Variants in AGAP1 observed in about 807,000 individuals in gnomAD.
The protein encoded by AGAP1 is ArfGAP with GTPase domain, ankyrin repeat and PH domain 1.
AGAP1 carries 29 observed loss-of-function variants against 105.3 expected under a neutral mutation model. The ratio of observed to expected loss-of-function variants is 0.28; its 90% confidence interval spans 0.21 to 0.38. The LOEUF (loss-of-function observed/expected upper bound fraction) is 0.38. AGAP1 is among the 10% of genes least tolerant of loss of function. AGAP1 has a pLI of 1.00. For missense variants in AGAP1, 998 were observed against 1,165.1 expected, an observed-to-expected ratio of 0.86 and a Z score of 2.09; for synonymous variants, 509 against 485.9, an observed-to-expected ratio of 1.05 and a Z score of -0.63.
intron 10 of AGAP1, among the ~76,000 whole-genome samples, chr2:235,897,368 A>G (rs1257933548): frequency 6.6e-6 from 1 of 152,218 alleles, no homozygotes; most frequent in African/African-American, 2.4e-5. Flanking sequence ...AAATTATACC[A>G]CTAAATAGTG....
intron 1 of AGAP1, among the ~76,000 whole-genome samples, chr2:235,595,627 A>T (rs1945501359): frequency 1.3e-5 from 2 of 152,148 alleles, no homozygotes; most frequent in Non-Finnish European, 2.9e-5. Flanking sequence ...AGGTGGAGGG[A>T]GTGAGATGCG....
At chr2:235,505,368 C>A (rs770799906) in intron 1 of AGAP1, among the ~76,000 whole-genome samples, 10 of 152,170 alleles carry the variant, frequency 6.6e-5, no homozygotes, top group Non-Finnish European at 1.3e-4. Context: ...ACACGCGGGG[C>A]CATGGATTGA....
rs1426457203 is a variant in AGAP1 at position 236,053,819 on chromosome 2, C to T, written c.2114+4538C>T. Among the ~76,000 whole-genome samples the T allele has an allele frequency of 6.6e-6, 1 of 152,380 alleles. No homozygotes were observed. Among genetic ancestry groups the T allele is most frequent in the Middle Eastern group, 3.4e-3 (1 of 294 alleles). ...ATTCCGTGAAAGAGCTCTTGAGAGG[C>T]GCTTTAAGCGCAACTGAAATCACCC... On this transcript the variant is annotated intron_variant, in intron 16 of 17. Coordinates refer to ENST00000304032, the MANE Select transcript of AGAP1 (RefSeq NM_001037131.3). The surrounding 1 kb of genome is among the most constrained non-coding windows in gnomAD (Gnocchi z 4.6).
intron 9 of AGAP1, among the ~76,000 whole-genome samples, chr2:235,862,942 G>A (rs577462694): frequency 1.3e-5 from 2 of 152,288 alleles, no homozygotes; most frequent in East Asian, 3.9e-4. Context: ...GCTCTGTGTA[G>A]GGCAGGGCAT....
rs908235316 is a variant in AGAP1 at position 236,114,444 on chromosome 2, C to T, written c.2115-5748C>T. Among the ~76,000 whole-genome samples the T allele has an allele frequency of 2.6e-5, 4 of 152,194 alleles. No individual in the cohort carries two copies. Among genetic ancestry groups the T allele is most frequent in the Non-Finnish European group, 5.9e-5 (4 of 68,034 alleles). ...TAGTGAGAAAGATGAAGGATGCTAT[C>T]CAGAGTATGTGTCAGCTCAGGCTGC... is the stretch of plus-strand genomic sequence containing the variant. On this transcript the variant is annotated intron_variant, in intron 16 of 17. Coordinates refer to ENST00000304032, the MANE Select transcript of AGAP1 (RefSeq NM_001037131.3). This position sits in a 1 kb window ranked among gnomAD's most constrained non-coding sequence, Gnocchi z 5.0.
intron 1 of AGAP1, among the ~76,000 whole-genome samples, chr2:235,681,843 CTTTTT>C (rs56934868): frequency 1.8e-3 from 143 of 78,330 alleles, no homozygotes; most frequent in African/African-American, 6.2e-3. Flanking sequence ...ATTTAGTTTG[CTTTTT>C]TTTTTTTTTT....
At chr2:236,054,838 T>G (rs1203265826) in intron 16 of AGAP1, among the ~76,000 whole-genome samples, 1 of 152,172 alleles carries the variant, frequency 6.6e-6, no homozygotes, top group Non-Finnish European at 1.5e-5. Flanking sequence ...GCATGGCGGA[T>G]TGATGCCCTG....
chr2:235,669,612 C>G (rs1948258698), intron 1 of AGAP1: 1 of 145,136 alleles, frequency 6.9e-6, no homozygotes, highest in Non-Finnish European at 1.5e-5. Context: ...GCGCGCGTTT[C>G]CATTTTAAAC....
At position 235,960,339 on chromosome 2, in the gene AGAP1, T is replaced by C. The variant is rs1396213881; in HGVS notation, c.1484-8123T>C. On this transcript the variant is annotated intron_variant, in intron 12 of 17. Transcript: ENST00000304032. This position sits in a 1 kb window ranked among gnomAD's most constrained non-coding sequence, Gnocchi z 4.9. ...TTTATCCCATGACAACCCTGTGTCC[T>C]CTGAAAAGCTTGCCTCCTTCTCCCC... 6.6e-6 allele frequency among the ~76,000 whole-genome samples: 1 copy of C among 152,202 alleles called. No individual in the cohort carries two copies. The highest frequency in any genetic ancestry group is 1.5e-5 in the Non-Finnish European group (1 of 68,038).
chr2:235,768,760 G>T (rs1328577546), intron 6 of AGAP1, among the ~76,000 whole-genome samples: 1 of 152,186 alleles, frequency 6.6e-6, no homozygotes, highest in Admixed American at 6.5e-5. Context: ...CACAGCCGCC[G>T]TGGGATGAAG....
At chr2:235,835,904 T>C (rs185525425) in intron 9 of AGAP1, among the ~76,000 whole-genome samples, 1 of 152,372 alleles carries the variant, frequency 6.6e-6, no homozygotes, top group East Asian at 1.9e-4. Flanking sequence ...TACATTGTAA[T>C]GACATTTTGG....
In AGAP1 at chr2:235,971,957, T is replaced by G. The variant is rs751595075; in HGVS notation, c.1645+3334T>G. Among the ~76,000 whole-genome samples the G allele has an allele frequency of 6.6e-6, 1 of 151,656 alleles. No homozygotes were observed. The highest frequency in any genetic ancestry group is 1.5e-5 in the Non-Finnish European group (1 of 67,930). ...CGACACCTGGCTAATTTTTTGTATT[T>G]TTGTAGAAATGGAGTTTCACTCTTT... is the stretch of plus-strand genomic sequence containing the variant. On this transcript the variant is annotated intron_variant, in intron 13 of 17. Coordinates refer to ENST00000304032, the MANE Select transcript of AGAP1 (RefSeq NM_001037131.3). The surrounding 1 kb of genome is among the most constrained non-coding windows in gnomAD (Gnocchi z 4.8).
chr2:235,756,404 G>A (rs899939165), intron 6 of AGAP1, among the ~76,000 whole-genome samples: 1 of 152,164 alleles, frequency 6.6e-6, no homozygotes, highest in African/African-American at 2.4e-5. Context: ...TGGCATGTGG[G>A]ATTTTAAAGG....
chr2:235,937,923 C>A (rs2053069530), intron 12 of AGAP1, among the ~76,000 whole-genome samples: 1 of 152,230 alleles, frequency 6.6e-6, no homozygotes, highest in Non-Finnish European at 1.5e-5. Flanking sequence ...AGTTTCGCTT[C>A]CTTGGCCCCT....
chr2:235,565,819 C>T (rs1944329382), intron 1 of AGAP1, among the ~76,000 whole-genome samples: 1 of 152,090 alleles, frequency 6.6e-6, no homozygotes, highest in Admixed American at 6.6e-5. Flanking sequence ...CGCCACCACG[C>T]CAGGCTCATT....
chr2:235,703,032 A>G (rs1950337647), intron 1 of AGAP1, among the ~76,000 whole-genome samples: 1 of 145,472 alleles, frequency 6.9e-6, no homozygotes, highest in Non-Finnish European at 1.5e-5. Flanking sequence ...GGTTTAAGCA[A>G]TTCTCCTGCC....
In AGAP1 at chr2:236,125,215, G is replaced by A. The variant is rs770907979; in HGVS notation, c.*1093G>A. The stretch of plus-strand genomic sequence containing the variant: ...TCTGTGTTATGTATTTAGATAAGAT[G>A]TGTGAAAATATATTTGAATAAAAGA... On this transcript the variant is annotated 3_prime_UTR_variant, in exon 18 of 18. Coordinates refer to ENST00000304032, the MANE Select transcript of AGAP1 (RefSeq NM_001037131.3). The surrounding 1 kb of genome is among the most constrained non-coding windows in gnomAD (Gnocchi z 5.2). 1 of 156,362 alleles carries A rather than the reference G, an allele frequency of 6.4e-6. No homozygotes were observed. The highest frequency in any genetic ancestry group is 6.5e-5 in the Admixed American group (1 of 15,282). The allele number at this position is 156,362 out of a possible 1,614,324, so 9.7% of individuals were successfully genotyped here. A position where few individuals can be genotyped will look rare whatever the true frequency, so the allele number is the denominator to read the frequency against.
intron 10 of AGAP1, among the ~76,000 whole-genome samples, chr2:235,886,492 A>G (rs921931236): frequency 7.9e-5 from 12 of 152,244 alleles, no homozygotes; most frequent in Non-Finnish European, 1.6e-4. Context: ...CAGTTCTTCA[A>G]AAATTCTCCT....
At position 235,889,759 on chromosome 2, in the gene AGAP1, C is replaced by T. The variant is rs1270720810; in HGVS notation, c.1155+6310C>T. 6.6e-6 allele frequency among the ~76,000 whole-genome samples: 1 copy of T among 152,066 alleles called. No homozygotes were observed. Among genetic ancestry groups the T allele is most frequent in the African/African-American group, 2.4e-5 (1 of 41,400 alleles). ...AGGTCTGTTTCATGTTGTTGAAAAC[C>T]TCAAACCTTTTTCTTAGGAGAGAAC... is the stretch of plus-strand genomic sequence containing the variant. On this transcript the variant is annotated intron_variant, in intron 10 of 17. Coordinates refer to ENST00000304032, the MANE Select transcript of AGAP1 (RefSeq NM_001037131.3). The surrounding 1 kb of genome is among the most constrained non-coding windows in gnomAD (Gnocchi z 4.6).
Sources: gnomAD v4.1 joint callset for allele counts (sites outside exome capture counted in the v4.1 genomes callset) on GRCh38, gnomAD v4.1.1 for gene constraint, Gnocchi (gnomAD v3.1) non-coding constraint, MANE v1.5 for transcripts, NCBI Gene and HGNC (gene_info 2026-07-23, HGNC 2026-07-21) for gene names.